Variants in COL14A1 observed in about 807,000 individuals in gnomAD.
COL14A1 encodes collagen type XIV alpha 1 chain.
COL14A1 carries 136 observed loss-of-function variants against 230.3 expected under a neutral mutation model. The ratio of observed to expected loss-of-function variants is 0.59; its 90% CI spans 0.51 to 0.68. COL14A1 has a LOEUF of 0.68. Among genes scored for constraint, COL14A1 ranks in the 30% least tolerant of loss-of-function variants. COL14A1 has a pLI of 0.00. For synonymous variants in COL14A1, 792 were observed against 784.1 expected (o/e 1.01, Z -0.17); for missense variants, 1,976 against 2,215.8 (o/e 0.89, Z 2.17).
At chr8:120,180,465 C>G (rs953159300) in intron 5 of COL14A1, among the ~76,000 whole-genome samples, 2 of 152,172 alleles carry the variant, frequency 1.3e-5, no homozygotes, top group African/African-American at 4.8e-5. Flanking sequence ...CACACTCTAA[C>G]TAGTTTAAGG....
chr8:120,250,466 A>G (rs894402982), intron 21 of COL14A1, 151 bp from the exon 22 acceptor site: 2 of 776,826 alleles, frequency 2.6e-6, no homozygotes, highest in East Asian at 5.3e-5. Context: ...TTAGAGCTAG[A>G]TGAGACCAGA....
At chr8:120,291,921 A>G (rs1022466153) in intron 34 of COL14A1, among the ~76,000 whole-genome samples, 5 of 152,154 alleles carry the variant, frequency 3.3e-5, no homozygotes, top group Non-Finnish European at 5.9e-5. Flanking sequence ...AAACCACCCT[A>G]CATCACAGTG....
At chr8:120,266,352 G>C (rs1819500598) in intron 24 of COL14A1, among the ~76,000 whole-genome samples, 1 of 152,082 alleles carries the variant, frequency 6.6e-6, no homozygotes, top group African/African-American at 2.4e-5. Context: ...TCCAGATGCA[G>C]TCTGAGCAGA....
At chr8:120,173,126 A>T (rs995099062) in intron 5 of COL14A1, among the ~76,000 whole-genome samples, 5 of 152,126 alleles carry the variant, frequency 3.3e-5, no homozygotes, top group African/African-American at 1.2e-4. Context: ...ATTATTTGGC[A>T]TTCTACTGTA....
chr8:120,317,375 G>T (rs939923386), intron 40 of COL14A1, among the ~76,000 whole-genome samples: 1 of 152,038 alleles, frequency 6.6e-6, no homozygotes, highest in Non-Finnish European at 1.5e-5. Flanking sequence ...ACTTTTGTTT[G>T]CCTAAAATCT....
In COL14A1 at chr8:120,200,718, TATATA is replaced by T. The variant is rs1817213369; in HGVS notation, c.877+1153_877+1157del. On this transcript the variant is annotated intron_variant, in intron 8 of 47. Coordinates refer to ENST00000297848, the MANE Select transcript of COL14A1 (RefSeq NM_021110.4). ...AGATCCTAAAAAGTTTTCCTATTTA[TATATA>T]TATATATATATATATATATATATAT... 7.4e-4 allele frequency among the ~76,000 whole-genome samples: 4 copies of T among 5,380 alleles called. No individual in the cohort carries two copies. In the East Asian group the frequency reaches 0.04, roughly 54 times the overall value. 3.5% of individuals were successfully genotyped at this position (5,380 alleles called of 152,430 possible).
chr8:120,212,526 G>T lies in COL14A1; in HGVS notation c.1546G>T (p.Ala516Ser). 1 of 1,613,676 alleles carries T rather than the reference G, an allele frequency of 6.2e-7. No individual in the cohort carries two copies. Among genetic ancestry groups the T allele is most frequent in the Non-Finnish European group, 8.5e-7 (1 of 1,179,718 alleles). ...TACAGAATACACAGTCACAGTTTAT[G>T]CCATGTTTGGAGAAGAGGCCAGTGA... The part of the protein sequence containing the change: ...PNTEYTVTVY[A>S]MFGEEASDPV... The change falls in exon 13 of 48, where the codon GCC (alanine) becomes TCC (serine). Residue 516 changes from alanine to serine, a missense_variant. Ala to Ser is a moderately conservative substitution (Grantham distance 99, BLOSUM62 1). Transcript: ENST00000297848.
At chr8:120,330,596 C>T (rs74418013) in intron 40 of COL14A1, among the ~76,000 whole-genome samples, 2,353 of 152,242 alleles carry the variant, frequency 0.015, 54 homozygotes, top group African/African-American at 0.052. Context: ...TCAGTTACCT[C>T]CCACTGCGTC....
chr8:120,251,403 G>A (rs1395206124), intron 22 of COL14A1, among the ~76,000 whole-genome samples: 1 of 152,162 alleles, frequency 6.6e-6, no homozygotes, highest in Non-Finnish European at 1.5e-5. Flanking sequence ...TTTTCTCAGA[G>A]GGGTCACTCC....
chr8:120,278,048 G>C, intron 26 of COL14A1, 63 bp from the exon 27 acceptor site: 3 of 1,414,718 alleles, frequency 2.1e-6, no homozygotes, highest in Non-Finnish European at 2.8e-6. Context: ...ACACTGTGCT[G>C]TTGCTCTCTG....
At chr8:120,370,633 G>C (rs1332686679) in intron 47 of COL14A1, 4 of 1,457,534 alleles carry the variant, frequency 2.7e-6, no homozygotes, top group Middle Eastern at 3.6e-4. Flanking sequence ...CCTGGATAGA[G>C]GTATATGATC....
intron 26 of COL14A1, 179 bp from the exon 27 acceptor site, chr8:120,277,932 A>G: frequency 6.0e-6 from 3 of 500,468 alleles, no homozygotes; most frequent in Non-Finnish European, 1.0e-5. Flanking sequence ...AAAAAAGAAA[A>G]GATGTATTTA....
intron 40 of COL14A1, among the ~76,000 whole-genome samples, chr8:120,329,192 G>A (rs112276600): frequency 1.5e-3 from 226 of 152,234 alleles, no homozygotes; most frequent in African/African-American, 5.2e-3. Context: ...TTGGCCCCAG[G>A]TTTTCTCACT....
chr8:120,245,329 G>C (rs1468073922), intron 20 of COL14A1, among the ~76,000 whole-genome samples: 1 of 152,076 alleles, frequency 6.6e-6, no homozygotes, highest in East Asian at 1.9e-4. Flanking sequence ...TGAGAGCCTG[G>C]GGCCTCATCA....
At chr8:120,234,035 C>A (rs1475146950) in intron 19 of COL14A1, among the ~76,000 whole-genome samples, 2 of 152,140 alleles carry the variant, frequency 1.3e-5, no homozygotes, top group African/African-American at 4.8e-5. Flanking sequence ...TCCTTCACAT[C>A]CTTTGTAAGT....
At chr8:120,195,633 A>G (rs1339714064) in intron 5 of COL14A1, among the ~76,000 whole-genome samples, 2 of 152,208 alleles carry the variant, frequency 1.3e-5, no homozygotes, top group African/African-American at 2.4e-5. Flanking sequence ...AAGACAAAGG[A>G]GAAGCAAAGG....
chr8:120,206,274 A>G (rs895420385), intron 9 of COL14A1, among the ~76,000 whole-genome samples: 5 of 152,224 alleles, frequency 3.3e-5, no homozygotes, highest in African/African-American at 9.6e-5. Flanking sequence ...AGGGAGAAGT[A>G]GATGAGATAA....
Position 120,197,827 on chromosome 8 carries a change from T to C in COL14A1, c.609T>C (p.Ser203=). 6.2e-7 allele frequency: 1 copy of C among 1,613,738 alleles called. No homozygotes were observed. The highest frequency in any genetic ancestry group is 2.2e-5 in the East Asian group (1 of 44,856). ...EKTRIGLAQY[S]GDPRIEWHLN... ...TTTTTCCAGGTCTTGCACAGTATAG[T>C]GGTGACCCCAGAATAGAATGGCACT... is the stretch of plus-strand genomic sequence containing the variant. Residue 203 remains serine, a synonymous_variant, in exon 7 of 48, where the codon AGT becomes AGC. Transcript: ENST00000297848.
intron 5 of COL14A1, among the ~76,000 whole-genome samples, chr8:120,187,408 T>G (rs1286206592): frequency 2.0e-5 from 3 of 152,222 alleles, no homozygotes; most frequent in Non-Finnish European, 2.9e-5. Context: ...ACTAAGAATT[T>G]AATCACCGAG....
Sources: allele counts gnomAD v4.1 joint callset (sites outside exome capture counted in the v4.1 genomes callset), GRCh38; gene constraint gnomAD v4.1.1; transcripts MANE v1.5; gene names NCBI Gene and HGNC (gene_info 2026-07-23, HGNC 2026-07-21).